AGMO: variants seen among roughly 807,000 people sequenced by gnomAD.
AGMO encodes the protein glyceryl-ether monooxygenase.
In AGMO, 75 loss-of-function variants were observed where a neutral mutation model predicts 60.2. The observed-to-expected ratio is 1.25, with a 90% confidence interval of 1.03 to 1.51. AGMO has a LOEUF of 1.51. Among genes scored for constraint, AGMO ranks in the 40% most tolerant of loss-of-function variants. AGMO has a pLI of 0.00. For missense variants in AGMO, 763 were observed against 525.5 expected (o/e 1.45, Z -4.42); for synonymous variants, 261 against 177.1 (o/e 1.47, Z -3.76).
chr7:15,547,440 G>C (rs1784812351), intron 2 of AGMO, among the ~76,000 whole-genome samples: 1 of 152,064 alleles, frequency 6.6e-6, no homozygotes, highest in African/African-American at 2.4e-5. Context: ...CAGACAGTGG[G>C]CGCAGGTCAG....
At chr7:15,300,393 A>T (rs1784532643) in intron 12 of AGMO, among the ~76,000 whole-genome samples, 3 of 152,238 alleles carry the variant, frequency 2.0e-5, no homozygotes, top group Non-Finnish European at 1.5e-5. Flanking sequence ...GCATATTCTT[A>T]GGCATAGCAG....
At chr7:15,366,875 T>C (rs1164389642) in intron 10 of AGMO, among the ~76,000 whole-genome samples, 1 of 152,028 alleles carries the variant, frequency 6.6e-6, no homozygotes, top group Non-Finnish European at 1.5e-5. Flanking sequence ...GAGTACTATC[T>C]TTCCAGGTAT....
At chr7:15,269,061 A>G (rs1563062333) in intron 12 of AGMO, among the ~76,000 whole-genome samples, 1 of 152,098 alleles carries the variant, frequency 6.6e-6, no homozygotes, top group Non-Finnish European at 1.5e-5. Context: ...AATTTTTGGC[A>G]TTGTGGGCCA....
At chr7:15,378,788 A>G (rs1192187921) in intron 10 of AGMO, among the ~76,000 whole-genome samples, 6 of 151,390 alleles carry the variant, frequency 4.0e-5, no homozygotes, top group Non-Finnish European at 7.4e-5. Flanking sequence ...GCATACAAAG[A>G]CATTAAAATC....
At chr7:15,257,797 T>C (rs1268059127) in intron 12 of AGMO, among the ~76,000 whole-genome samples, 1 of 152,224 alleles carries the variant, frequency 6.6e-6, no homozygotes, top group Non-Finnish European at 1.5e-5. Context: ...TGAAATCATA[T>C]GTTTTCATAC....
In AGMO at chr7:15,366,199, A is replaced by G. The variant is rs764447283; in HGVS notation, c.1098T>C (p.Leu366=). 8 of 1,607,628 alleles carry G rather than the reference A, an allele frequency of 5.0e-6. No homozygotes were observed. The Admixed American group carries it at 5.0e-5, about 10-fold the overall frequency. The change falls in exon 11 of 13, where the codon CTT becomes CTC. Residue 366 remains leucine, a synonymous_variant. Transcript: ENST00000342526. ...TCAGGATAATGAAGCAAACCCTCAG[A>G]AGGAGAGTAACTTGCGACAGTGCCT... ...DTAALSQVTL[L]LRVCFIILTL...
At chr7:15,387,631 G>A (rs1468775139) in intron 8 of AGMO, 91 bp from the exon 9 acceptor site, 1 of 1,135,704 alleles carries the variant, frequency 8.8e-7, no homozygotes, top group African/African-American at 2.8e-5. Flanking sequence ...ATTGTTCAAG[G>A]TAATTTACGT....
the AGMO span, among the ~76,000 whole-genome samples, chr7:15,165,836 A>C: frequency 6.6e-6 from 1 of 152,194 alleles, no homozygotes; most frequent in Admixed American, 6.5e-5. Flanking sequence ...TTAAAGATTA[A>C]AATAATGGGA....
chr7:15,279,454 G>T (rs1783899246), intron 12 of AGMO, among the ~76,000 whole-genome samples: 1 of 152,114 alleles, frequency 6.6e-6, no homozygotes, highest in South Asian at 2.1e-4. Flanking sequence ...TCTTGAACTG[G>T]AATGAACACT....
intron 3 of AGMO, among the ~76,000 whole-genome samples, chr7:15,455,081 TCACACACACA>T (rs34074240): frequency 3.1e-4 from 46 of 146,220 alleles, no homozygotes; most frequent in African/African-American, 8.0e-4. Flanking sequence ...TCTCTCTTTC[TCACACACACA>T]CACACACACA....
At chr7:15,407,104 G>T (rs1423220859) in intron 5 of AGMO, among the ~76,000 whole-genome samples, 1 of 143,248 alleles carries the variant, frequency 7.0e-6, no homozygotes, top group Non-Finnish European at 1.5e-5. Context: ...ATACATATAT[G>T]TGTGCATATG....
rs1168305891 is a variant in AGMO at position 15,288,032 on chromosome 7, A to T, written c.1263+77482T>A. On this transcript the variant is annotated intron_variant, in intron 12 of 12. Coordinates refer to ENST00000342526, the MANE Select transcript of AGMO (RefSeq NM_001004320.2). ...TGAAAAATAACAATAATTTTATTGA[A>T]TTTTTTTTTTTAATGGCATCTGGCT... Among the ~76,000 whole-genome samples, 5 of 147,752 alleles carry T rather than the reference A, an allele frequency of 3.4e-5. No individual in the cohort carries two copies. In the East Asian group the frequency reaches 9.9e-4, roughly 29 times the overall value.
At chr7:15,421,309 G>A (rs146139686) in intron 4 of AGMO, among the ~76,000 whole-genome samples, 7 of 152,052 alleles carry the variant, frequency 4.6e-5, no homozygotes, top group South Asian at 2.1e-4. Flanking sequence ...GCGAGTCTTC[G>A]GTATGTCTGT....
chr7:15,475,823 T>C (rs1330367304), intron 3 of AGMO, among the ~76,000 whole-genome samples: 1 of 152,016 alleles, frequency 6.6e-6, no homozygotes, highest in Non-Finnish European at 1.5e-5. Context: ...TAAGTAAAAT[T>C]ATTTGAAAGT....
At chr7:15,520,200 A>T (rs577639451) in intron 3 of AGMO, among the ~76,000 whole-genome samples, 1 of 152,310 alleles carries the variant, frequency 6.6e-6, no homozygotes, top group East Asian at 1.9e-4. Flanking sequence ...TCATAAAGCA[A>T]GTGCTTAGAG....
intron 3 of AGMO, among the ~76,000 whole-genome samples, chr7:15,474,131 T>C (rs962815848): frequency 3.9e-5 from 6 of 152,120 alleles, no homozygotes; most frequent in African/African-American, 9.7e-5. Flanking sequence ...CTGCCCAAAG[T>C]AATTTACAGA....
chr7:15,248,227 T>TATATATGTA (rs1413598774), intron 12 of AGMO, among the ~76,000 whole-genome samples: 1 of 118,126 alleles, frequency 8.5e-6, no homozygotes, highest in Non-Finnish European at 1.8e-5. Context: ...TATATATATC[T>TATATATGTA]TCATCTTCAA....
At chr7:15,338,150 T>C (rs1268269953) in intron 12 of AGMO, among the ~76,000 whole-genome samples, 1 of 152,204 alleles carries the variant, frequency 6.6e-6, no homozygotes, top group Non-Finnish European at 1.5e-5. Context: ...TGTGTAATAT[T>C]ATAATTAAAT....
chr7:15,416,215 G>A (rs1780764188), intron 5 of AGMO, among the ~76,000 whole-genome samples: 1 of 151,786 alleles, frequency 6.6e-6, no homozygotes, highest in Admixed American at 6.6e-5. Flanking sequence ...TGTATTTTTA[G>A]TAGAAATGAG....
Sources: allele counts gnomAD v4.1 joint callset (sites outside exome capture counted in the v4.1 genomes callset), GRCh38; gene constraint gnomAD v4.1.1; transcripts MANE v1.5; gene names NCBI Gene and HGNC (gene_info 2026-07-23, HGNC 2026-07-21).